Variants in RBFOX1 observed in about 807,000 individuals in gnomAD.
RBFOX1 encodes RNA binding fox-1 homolog 1.
Under a neutral mutation model 57.7 loss-of-function variants are expected in RBFOX1, and 8 were observed. That is an observed-to-expected ratio of 0.14 (90% CI 0.08 to 0.25). RBFOX1 has a LOEUF of 0.25. Among genes scored for constraint, RBFOX1 ranks in the 10% least tolerant of loss-of-function variants. The pLI is 1.00. For synonymous variants in RBFOX1, 326 were observed against 222.4 expected (o/e 1.47, Z -4.15); for missense variants, 611 against 548.5 (o/e 1.11, Z -1.14).
rs556701128 is a variant in RBFOX1, at chr16:6,217,363, GA to G, written c.-126-99625del. Among the ~76,000 whole-genome samples the G allele has an allele frequency of 1.5e-3, 230 of 151,916 alleles. 2 individuals carry two copies. The highest frequency in any genetic ancestry group is 2.8e-3 in the Non-Finnish European group (193 of 67,882). ...TAACTTTTCTGAAAAGAGGGAAGCT[GA>G]AAAAAAGGGGAGGATGTCTCCTACA... On this transcript the variant is annotated intron_variant, in intron 1 of 15. Coordinates refer to ENST00000550418, the MANE Select transcript of RBFOX1 (RefSeq NM_018723.4).
chr16:6,102,289 A>AAGAAG (rs2096321881), intron 1 of RBFOX1, among the ~76,000 whole-genome samples: 1 of 151,538 alleles, frequency 6.6e-6, no homozygotes, highest in South Asian at 2.1e-4. Flanking sequence ...TTTCCTTCTT[A>AAGAAG]GAAAGAATGT....
chr16:7,016,155 A>T (rs977815597), intron 3 of RBFOX1, among the ~76,000 whole-genome samples: 5 of 152,188 alleles, frequency 3.3e-5, no homozygotes, highest in Non-Finnish European at 7.3e-5. Flanking sequence ...ACCACCAGAC[A>T]TGACCATCCC....
intron 3 of RBFOX1, among the ~76,000 whole-genome samples, chr16:6,999,294 C>G (rs192165221): frequency 6.8e-6 from 1 of 148,074 alleles, no homozygotes; most frequent in Non-Finnish European, 1.5e-5. Context: ...TGGGTTCAAG[C>G]GGTCCACCTG....
chr16:6,373,839 C>G (rs1015080416), intron 2 of RBFOX1, among the ~76,000 whole-genome samples: 45 of 152,070 alleles, frequency 3.0e-4, no homozygotes, highest in African/African-American at 9.4e-4. Flanking sequence ...TTTTGTTATA[C>G]TTCTGTACTC....
intron 3 of RBFOX1, among the ~76,000 whole-genome samples, chr16:6,741,171 AAAT>A (rs1603485145): frequency 6.6e-6 from 1 of 152,192 alleles, no homozygotes; most frequent in African/African-American, 2.4e-5. Context: ...TTTATAGGCA[AAAT>A]AATAATAATA....
intron 3 of RBFOX1, among the ~76,000 whole-genome samples, chr16:6,767,950 GAAGAAGAAGAA>G (rs1407952150): frequency 9.0e-4 from 95 of 105,300 alleles, no homozygotes; most frequent in Middle Eastern, 5.3e-3. Flanking sequence ...ATAATAATAA[GAAGAAGAAGAA>G]GAAGAAGAAG....
chr16:5,766,375 A>T (rs193298514), intron 3 of RBFOX1, among the ~76,000 whole-genome samples: 1 of 152,254 alleles, frequency 6.6e-6, no homozygotes, highest in African/African-American at 2.4e-5. Context: ...TTACAAGGTC[A>T]GGAGATCAAG....
At chr16:7,071,947 C>T (rs1043434801) in intron 4 of RBFOX1, among the ~76,000 whole-genome samples, 1 of 152,086 alleles carries the variant, frequency 6.6e-6, no homozygotes, top group Non-Finnish European at 1.5e-5. Context: ...TCTACCTTCT[C>T]CTTTAGATTT....
chr16:7,389,490 A>G (rs1375724005), intron 4 of RBFOX1, among the ~76,000 whole-genome samples: 1 of 152,156 alleles, frequency 6.6e-6, no homozygotes, highest in Non-Finnish European at 1.5e-5. Flanking sequence ...CTGATTCTTG[A>G]TCTTTGTTCT....
At chr16:6,474,865 G>A (rs1435483196) in intron 2 of RBFOX1, among the ~76,000 whole-genome samples, 1 of 152,204 alleles carries the variant, frequency 6.6e-6, no homozygotes, top group African/African-American at 2.4e-5. Context: ...ATAAGGCACA[G>A]AGAAAAATAT....
chr16:7,173,490 C>T (rs918104509), intron 4 of RBFOX1, among the ~76,000 whole-genome samples: 4 of 149,984 alleles, frequency 2.7e-5, no homozygotes, highest in African/African-American at 9.7e-5. Flanking sequence ...TTCCATTTGA[C>T]ACTTTTTTTT....
At chr16:5,969,298 C>CTTTTTTTTTTTTTTTTTT (rs71142659) in intron 4 of RBFOX1, among the ~76,000 whole-genome samples, 2 of 83,750 alleles carry the variant, frequency 2.4e-5, no homozygotes, top group Non-Finnish European at 4.2e-5. Flanking sequence ...TTCGGTTGTT[C>CTTTTTTTTTTTTTTTTTT]TTTTTTTTTT....
intron 2 of RBFOX1, among the ~76,000 whole-genome samples, chr16:5,571,215 C>CTTTTTTTTTTT (rs34409151): frequency 2.5e-4 from 20 of 79,818 alleles, no homozygotes; most frequent in Admixed American, 5.7e-4. Flanking sequence ...CCATCTTTGA[C>CTTTTTTTTTTT]TTTTTTTTTT....
intron 4 of RBFOX1, among the ~76,000 whole-genome samples, chr16:7,212,274 C>T (rs1276736973): frequency 6.6e-6 from 1 of 152,110 alleles, no homozygotes; most frequent in Non-Finnish European, 1.5e-5. Flanking sequence ...ACAGCAGCTG[C>T]CTTTGTGTAC....
intron 4 of RBFOX1, among the ~76,000 whole-genome samples, chr16:7,120,513 C>G (rs906872338): frequency 6.6e-6 from 1 of 151,804 alleles, no homozygotes; most frequent in East Asian, 1.9e-4. Flanking sequence ...ATAATCTATG[C>G]ACATGTAGTC....
chr16:6,991,396 A>G (rs1000385978), intron 3 of RBFOX1, among the ~76,000 whole-genome samples: 1 of 152,212 alleles, frequency 6.6e-6, no homozygotes, highest in African/African-American at 2.4e-5. Flanking sequence ...TTAATAAGCA[A>G]CATTCCGTTT....
chr16:5,648,464 G>T (rs1047486444), intron 3 of RBFOX1, among the ~76,000 whole-genome samples: 3 of 152,160 alleles, frequency 2.0e-5, no homozygotes, highest in African/African-American at 7.2e-5. Context: ...TCAACCAAGG[G>T]TGATGTTCCC....
At chr16:5,448,402 G>T (rs982653459) in intron 1 of RBFOX1, among the ~76,000 whole-genome samples, 5 of 152,172 alleles carry the variant, frequency 3.3e-5, no homozygotes, top group African/African-American at 1.2e-4. Flanking sequence ...CCACAAAATA[G>T]GGCTGTTCAT....
chr16:5,672,323 A>G (rs2050036980), intron 3 of RBFOX1, among the ~76,000 whole-genome samples: 1 of 152,262 alleles, frequency 6.6e-6, no homozygotes, highest in Middle Eastern at 3.4e-3. Context: ...TTCTGATGCC[A>G]TGTGTCAGGA....
Sources: allele counts gnomAD v4.1 joint callset (sites outside exome capture counted in the v4.1 genomes callset), GRCh38; gene constraint gnomAD v4.1.1; transcripts MANE v1.5; gene names NCBI Gene and HGNC (gene_info 2026-07-23, HGNC 2026-07-21).